The following ZNF536 variants were observed in gnomAD, a reference collection of about 807,000 sequenced individuals.
The protein encoded by ZNF536 is zinc finger protein 536.
A neutral mutation model predicts 84.5 loss-of-function variants in ZNF536; 13 were observed. The ratio of observed to expected loss-of-function variants is 0.15; its 90% confidence interval spans 0.10 to 0.24. The LOEUF (loss-of-function observed/expected upper bound fraction) is 0.24, where lower values mean the gene tolerates loss of function less well. ZNF536 is among the 10% of genes least tolerant of loss of function. The pLI is 1.00. For missense variants in ZNF536, 1,536 were observed against 1,747.5 expected (o/e 0.88, Z 2.16); for synonymous variants, 811 against 742.5 (o/e 1.09, Z -1.50).
chr19:30,288,168 C>T (rs759479914), intron 2 of ZNF536, among the ~76,000 whole-genome samples: 2 of 152,274 alleles, frequency 1.3e-5, no homozygotes, highest in African/African-American at 2.4e-5. Flanking sequence ...GTCACGTAGG[C>T]GAAGATGATC....
chr19:30,526,106 T>G (rs2044563609), intron 2 of ZNF536, among the ~76,000 whole-genome samples: 1 of 152,112 alleles, frequency 6.6e-6, no homozygotes, highest in Non-Finnish European at 1.5e-5. Context: ...TGGGGTGGGC[T>G]CCAGCCCACA....
chr19:30,425,045 G>A (rs2051151567), intron 1 of ZNF536, among the ~76,000 whole-genome samples: 1 of 152,078 alleles, frequency 6.6e-6, no homozygotes, highest in East Asian at 1.9e-4. Context: ...AGATGGTGAG[G>A]ACACAAAGGC....
intron 1 of ZNF536, among the ~76,000 whole-genome samples, chr19:30,604,406 A>G (rs1027985792): frequency 3.8e-4 from 58 of 152,320 alleles, no homozygotes; most frequent in African/African-American, 1.3e-3. Flanking sequence ...ATATATTTGC[A>G]TATTATTTTA....
At chr19:30,614,058 T>G (rs1432599700) in intron 1 of ZNF536, among the ~76,000 whole-genome samples, 1 of 152,192 alleles carries the variant, frequency 6.6e-6, no homozygotes, top group Admixed American at 6.5e-5. Context: ...AGACGGGGTT[T>G]TGCCATATTG....
intron 1 of ZNF536, among the ~76,000 whole-genome samples, chr19:30,614,593 A>T (rs1180172452): frequency 6.6e-6 from 1 of 152,038 alleles, no homozygotes; most frequent in Non-Finnish European, 1.5e-5. Context: ...TTTAATTATG[A>T]GTGACATTGA....
intron 2 of ZNF536, among the ~76,000 whole-genome samples, chr19:30,325,464 T>A (rs142772537): frequency 6.6e-6 from 1 of 152,178 alleles, no homozygotes; most frequent in East Asian, 1.9e-4. Flanking sequence ...AAATGGAAAA[T>A]GGGGTGCTCA....
chr19:30,298,563 T>G (rs1427117830), intron 2 of ZNF536, among the ~76,000 whole-genome samples: 2 of 152,224 alleles, frequency 1.3e-5, no homozygotes, highest in Non-Finnish European at 2.9e-5. Context: ...TGCTGACTCC[T>G]TCATCCTGTC....
intron 2 of ZNF536, among the ~76,000 whole-genome samples, chr19:30,326,182 C>T (rs1219446433): frequency 6.6e-6 from 1 of 152,192 alleles, no homozygotes; most frequent in Non-Finnish European, 1.5e-5. Flanking sequence ...ATAGCAACCA[C>T]TTTGAAGAGG....
In ZNF536 at chr19:30,443,635, G is replaced by A. The variant is rs762711518; in HGVS notation, c.73G>A (p.Val25Ile). 9 of 1,611,474 alleles carry A rather than the reference G, an allele frequency of 5.6e-6. No homozygotes were observed. Among genetic ancestry groups the A allele is most frequent in the Non-Finnish European group, 7.6e-6 (9 of 1,179,020 alleles). Reference protein sequence around the residue: ...PEAEPHLSGPVLNGQYAMSQK... With the variant: ...PEAEPHLSGPILNGQYAMSQK... ...AGCTGAGCCCCACCTGAGTGGCCCC[G>A]TCCTCAACGGCCAGTATGCCATGAG... Residue 25 changes from valine (V) to isoleucine (I), a missense_variant, in exon 2 of 5, where the codon GTC (valine) becomes ATC (isoleucine). Physicochemically the swap from Val to Ile is conservative, Grantham distance 29. Around this residue, in one of 8 missense-constraint regions of ZNF536, gnomAD observed 161 missense variants for 178.5 expected, o/e 0.90. Coordinates refer to ENST00000355537, the MANE Select transcript of ZNF536 (RefSeq NM_014717.3).
At chr19:30,408,564 C>A (rs540328168) in intron 1 of ZNF536, among the ~76,000 whole-genome samples, 2 of 152,284 alleles carry the variant, frequency 1.3e-5, no homozygotes, top group East Asian at 3.9e-4. Context: ...CTCTCTCTGC[C>A]AATTTCAGCA....
At chr19:30,576,858 G>A (rs559776788) in intron 1 of ZNF536, among the ~76,000 whole-genome samples, 1 of 152,316 alleles carries the variant, frequency 6.6e-6, no homozygotes, top group Non-Finnish European at 1.5e-5. Flanking sequence ...TCCTGGAGTT[G>A]CATGTCTCTT....
chr19:30,232,444 C>G (rs187491573), intron 1 of ZNF536, among the ~76,000 whole-genome samples: 3 of 152,110 alleles, frequency 2.0e-5, no homozygotes, highest in Middle Eastern at 3.4e-3. Flanking sequence ...TTTCTCCCCC[C>G]TCTAGTGTCC....
rs565250563 is a variant in ZNF536 at position 30,234,255 on chromosome 19, T to C, written c.-190+5582T>C. ...ATTACCTGAGCTGTGTTCAGTTGGG[T>C]CTTTGATTACCTAGGTGGGCCTGGC... On this transcript the variant is annotated intron_variant, in intron 1 of 5. Coordinates refer to the ZNF536 transcript ENST00000585628. Among the ~76,000 whole-genome samples the C allele has an allele frequency of 7.6e-4, 115 of 152,234 alleles. 1 individual carries two copies. The highest frequency in any genetic ancestry group is 8.4e-4 in the Non-Finnish European group (57 of 68,014).
chr19:30,628,789 C>G (rs2048784885), intron 1 of ZNF536, among the ~76,000 whole-genome samples: 1 of 151,932 alleles, frequency 6.6e-6, no homozygotes, highest in African/African-American at 2.4e-5. Flanking sequence ...ACCTCCACCT[C>G]CTGGGTCCTG....
chr19:30,643,163 TCTC>T (rs1484828354), intron 1 of ZNF536, among the ~76,000 whole-genome samples: 8 of 152,212 alleles, frequency 5.3e-5, no homozygotes, highest in Non-Finnish European at 1.2e-4. Context: ...GGGTGCTTCT[TCTC>T]CTGCTGGGTT....
chr19:30,303,712 G>A (rs915660547), intron 2 of ZNF536, among the ~76,000 whole-genome samples: 5 of 152,028 alleles, frequency 3.3e-5, no homozygotes, highest in African/African-American at 1.2e-4. Context: ...CATGTCGGCC[G>A]GGCTGGTCTC....
intron 3 of ZNF536, 124 bp from the exon 4 acceptor site, chr19:30,547,819 T>C: frequency 1.8e-6 from 2 of 1,101,058 alleles, no homozygotes; most frequent in South Asian, 3.9e-5. Flanking sequence ...TAAAAAACAG[T>C]TGTTCTCTAA....
At chr19:30,595,105 A>C (rs987193858) in intron 1 of ZNF536, among the ~76,000 whole-genome samples, 2 of 152,054 alleles carry the variant, frequency 1.3e-5, no homozygotes, top group Non-Finnish European at 2.9e-5. Context: ...GGAGAGGCAC[A>C]ATGAAGTTGG....
At chr19:30,265,525 G>T (rs1049027830) in intron 1 of ZNF536, among the ~76,000 whole-genome samples, 1 of 152,128 alleles carries the variant, frequency 6.6e-6, no homozygotes, top group African/African-American at 2.4e-5. Flanking sequence ...TGTCTGAGGC[G>T]CCTTGTCCAC....
Sources: allele counts gnomAD v4.1 joint callset (sites outside exome capture counted in the v4.1 genomes callset), GRCh38; gene constraint gnomAD v4.1.1; regional missense constraint gnomAD v4.1.1; transcripts MANE v1.5; gene names NCBI Gene and HGNC (gene_info 2026-07-23, HGNC 2026-07-21).